GRID2: variants seen among roughly 807,000 people sequenced by gnomAD.
GRID2 encodes the protein glutamate receptor ionotropic, delta-2.
GRID2 carries 33 observed loss-of-function variants against 114.8 expected under a neutral mutation model. That is an observed-to-expected ratio of 0.29 (90% CI 0.22 to 0.38). GRID2 has a LOEUF of 0.38. Among genes scored for constraint, GRID2 ranks in the 10% least tolerant of loss-of-function variants. The pLI, the probability that GRID2 is intolerant of heterozygous loss-of-function variation, is 1.00. For missense variants in GRID2, 1,184 were observed against 1,257.7 expected (o/e 0.94, Z 0.89); for synonymous variants, 505 against 449.9 (o/e 1.12, Z -1.55).
chr4:93,532,332 G>A (rs1319479454), intron 13 of GRID2, among the ~76,000 whole-genome samples: 1 of 152,108 alleles, frequency 6.6e-6, no homozygotes, highest in Non-Finnish European at 1.5e-5. Flanking sequence ...GGAAAGAGTA[G>A]CTACTCACAA....
chr4:92,319,924 G>C (rs1421473723), intron 1 of GRID2, among the ~76,000 whole-genome samples: 2 of 152,112 alleles, frequency 1.3e-5, no homozygotes, highest in East Asian at 3.9e-4. Flanking sequence ...TATGCTTATT[G>C]AACTCTCAAA....
rs147660467 is a variant in GRID2 at position 92,859,839 on chromosome 4, T to C, written c.245-225156T>C. 3.7e-3 allele frequency among the ~76,000 whole-genome samples: 563 copies of C among 152,228 alleles called. 2 individuals carry two copies. The highest frequency in any genetic ancestry group is 0.013 in the African/African-American group (538 of 41,528). The stretch of plus-strand genomic sequence containing the variant: ...AGTAGAGTTTCTCAGTCTTGACACT[T>C]GACAGAAATTTCTTCATTGTGGGCA... On this transcript the variant is annotated intron_variant, in intron 2 of 15. Coordinates refer to ENST00000282020, the MANE Select transcript of GRID2 (RefSeq NM_001510.4).
chr4:93,044,118 A>G (rs564256064), intron 2 of GRID2, among the ~76,000 whole-genome samples: 2 of 152,208 alleles, frequency 1.3e-5, no homozygotes, highest in East Asian at 3.9e-4. Context: ...CTCAATCTTA[A>G]CAAACCTCAC....
At chr4:93,355,166 A>G (rs1371177530) in intron 8 of GRID2, among the ~76,000 whole-genome samples, 1 of 151,644 alleles carries the variant, frequency 6.6e-6, no homozygotes, top group African/African-American at 2.4e-5. Flanking sequence ...GACTGTTTCC[A>G]TTACTTACTA....
At chr4:92,650,516 C>T (rs1731873614) in intron 2 of GRID2, among the ~76,000 whole-genome samples, 1 of 152,004 alleles carries the variant, frequency 6.6e-6, no homozygotes, top group Admixed American at 6.6e-5. Context: ...TCCAATTTCC[C>T]TTTGGTAATA....
At chr4:92,745,389 C>A (rs1737100152) in intron 2 of GRID2, among the ~76,000 whole-genome samples, 1 of 152,064 alleles carries the variant, frequency 6.6e-6, no homozygotes, top group East Asian at 1.9e-4. Flanking sequence ...TACTATTTTT[C>A]ATTTTCATTC....
At chr4:93,270,013 G>GT (rs1751263759) in intron 8 of GRID2, among the ~76,000 whole-genome samples, 1 of 152,036 alleles carries the variant, frequency 6.6e-6, no homozygotes, top group Non-Finnish European at 1.5e-5. Context: ...GAAGTGTTCA[G>GT]TTTTTTCCAG....
intron 14 of GRID2, among the ~76,000 whole-genome samples, chr4:93,684,730 G>C (rs1725918194): frequency 6.6e-6 from 1 of 152,038 alleles, no homozygotes; most frequent in Non-Finnish European, 1.5e-5. Context: ...GGGAGTGGTA[G>C]AGGATGAGGA....
chr4:93,130,950 C>G (rs1734740465), intron 4 of GRID2, among the ~76,000 whole-genome samples: 1 of 152,038 alleles, frequency 6.6e-6, no homozygotes, highest in Non-Finnish European at 1.5e-5. Context: ...ATCCTTTCTG[C>G]CTTTCATCTT....
chr4:92,919,972 G>C (rs564325281), intron 2 of GRID2, among the ~76,000 whole-genome samples: 4 of 152,268 alleles, frequency 2.6e-5, no homozygotes, highest in South Asian at 4.1e-4. Context: ...CGTTATTATT[G>C]TGTGGGAGTG....
intron 12 of GRID2, among the ~76,000 whole-genome samples, chr4:93,494,812 A>AT (rs535002120): frequency 2.6e-4 from 39 of 151,772 alleles, no homozygotes; most frequent in African/African-American, 7.5e-4. Context: ...AATTGGAATG[A>AT]TTTTTTTTCT....
chr4:92,468,184 G>A (rs1721851231), intron 1 of GRID2, among the ~76,000 whole-genome samples: 1 of 151,924 alleles, frequency 6.6e-6, no homozygotes, highest in South Asian at 2.1e-4. Flanking sequence ...TTTACTGAGT[G>A]CTTATTTTCA....
At chr4:93,700,637 GCT>G (rs1156872248) in intron 14 of GRID2, among the ~76,000 whole-genome samples, 2 of 152,144 alleles carry the variant, frequency 1.3e-5, no homozygotes, top group Admixed American at 6.5e-5. Flanking sequence ...CTCACTACAA[GCT>G]CTGTCCCCTA....
intron 1 of GRID2, among the ~76,000 whole-genome samples, chr4:92,513,714 A>G (rs1469320943): frequency 1.3e-5 from 2 of 151,796 alleles, no homozygotes; most frequent in Non-Finnish European, 2.9e-5. Flanking sequence ...CTTTCACTCA[A>G]TGCTGCGTCC....
chr4:93,633,989 G>C (rs1721185574), intron 14 of GRID2, among the ~76,000 whole-genome samples: 1 of 152,078 alleles, frequency 6.6e-6, no homozygotes, highest in African/African-American at 2.4e-5. Flanking sequence ...CTGGTTAAAA[G>C]AATCTCTCAG....
intron 2 of GRID2, among the ~76,000 whole-genome samples, chr4:93,033,447 T>C (rs908249070): frequency 1.3e-5 from 2 of 152,188 alleles, no homozygotes; most frequent in Non-Finnish European, 2.9e-5. Context: ...AGCATCAGTG[T>C]GAGACTGTAC....
rs772724087 is a variant in GRID2, at chr4:93,524,785, GTATATATATATA to G, written c.2193+9392_2193+9403del. ...CAAGAAAAAATATATGTATGTATGT[GTATATATATATA>G]TATATATATATATATATGTATGTAT... is the stretch of plus-strand genomic sequence containing the variant. On this transcript the variant is annotated intron_variant, in intron 13 of 15. Transcript: ENST00000282020. Among the ~76,000 whole-genome samples the G allele has an allele frequency of 8.4e-4, 73 of 87,400 alleles. 1 individual carries two copies. The highest frequency in any genetic ancestry group is 3.0e-3 in the African/African-American group (68 of 22,410). 57.3% of individuals were successfully genotyped at this position (87,400 alleles called of 152,430 possible). A position where few individuals can be genotyped will look rare whatever the true frequency, so the allele number is the denominator to read the frequency against.
At chr4:93,556,043 A>G (rs1734286035) in intron 13 of GRID2, among the ~76,000 whole-genome samples, 1 of 152,170 alleles carries the variant, frequency 6.6e-6, no homozygotes, top group Non-Finnish European at 1.5e-5. Context: ...AAACTAACAA[A>G]CAGAAAAGAA....
chr4:92,575,574 C>A (rs1727847682), intron 1 of GRID2, among the ~76,000 whole-genome samples: 1 of 152,112 alleles, frequency 6.6e-6, no homozygotes. Flanking sequence ...CAGCTATAGA[C>A]CCTAGTCACC....
Sources: gnomAD v4.1 joint callset for allele counts (sites outside exome capture counted in the v4.1 genomes callset) on GRCh38, gnomAD v4.1.1 for gene constraint, MANE v1.5 for transcripts, NCBI Gene and HGNC (gene_info 2026-07-23, HGNC 2026-07-21) for gene names.